The following SIGLECL1 variants were observed in gnomAD, a reference collection of about 807,000 sequenced individuals.
SIGLECL1 encodes SIGLEC family-like protein 1.
In SIGLECL1, 16 loss-of-function variants were observed where a neutral mutation model predicts 19.1. The ratio of observed to expected loss-of-function variants is 0.84; its 90% CI spans 0.57 to 1.27. The LOEUF (loss-of-function observed/expected upper bound fraction) is 1.27. Among genes scored for constraint, SIGLECL1 ranks in the 50% most tolerant of loss-of-function variants. The pLI is 0.00. For synonymous variants in SIGLECL1, 89 were observed against 90.4 expected (o/e 0.98, Z 0.09); for missense variants, 210 against 239.4 (o/e 0.88, Z 0.81).
At chr19:51,256,571 A>C (rs1825828752) in intron 1 of SIGLECL1, among the ~76,000 whole-genome samples, 1 of 152,240 alleles carries the variant, frequency 6.6e-6, no homozygotes, top group Non-Finnish European at 1.5e-5. Flanking sequence ...AGGCAGAATG[A>C]ATAAGTTCTG....
At chr19:51,259,715 T>C (rs1983074972) in intron 1 of SIGLECL1, among the ~76,000 whole-genome samples, 1 of 152,194 alleles carries the variant, frequency 6.6e-6, no homozygotes, top group Non-Finnish European at 1.5e-5. Flanking sequence ...AGGAAGGCCA[T>C]GCCCAAAAGA....
chr19:51,256,323 G>T (rs1157471932), intron 1 of SIGLECL1, among the ~76,000 whole-genome samples: 2 of 152,162 alleles, frequency 1.3e-5, no homozygotes, highest in Non-Finnish European at 2.9e-5. Context: ...TACACACACA[G>T]TGGAAGTTAT....
upstream of SIGLECL1, among the ~76,000 whole-genome samples, chr19:51,249,425 G>C (rs1982367282): frequency 1.3e-5 from 2 of 151,994 alleles, no homozygotes; most frequent in South Asian, 4.2e-4. Context: ...ATGGAGTAAG[G>C]CCCTGGAGGG....
upstream of SIGLECL1, among the ~76,000 whole-genome samples, chr19:51,250,705 G>A (rs7253831): frequency 0.13 from 20,389 of 152,156 alleles, 2,036 homozygotes; most frequent in East Asian, 0.32. Flanking sequence ...GGCTGGAAAG[G>A]CCTTGCTGGG....
At chr19:51,261,374 T>C (rs968537529) in intron 1 of SIGLECL1, among the ~76,000 whole-genome samples, 23 of 152,118 alleles carry the variant, frequency 1.5e-4, no homozygotes, top group African/African-American at 4.8e-4. Context: ...CTGCAAGCTC[T>C]GCCTCCCAGG....
intron 1 of SIGLECL1, among the ~76,000 whole-genome samples, chr19:51,258,389 C>T (rs548044432): frequency 6.6e-6 from 1 of 152,172 alleles, no homozygotes; most frequent in Non-Finnish European, 1.5e-5. Flanking sequence ...GGCTGTCCTG[C>T]GGTCACCTGT....
At chr19:51,249,685 A>G (rs1467332980), upstream of SIGLECL1, among the ~76,000 whole-genome samples, 1 of 152,198 alleles carries the variant, frequency 6.6e-6, no homozygotes, top group Non-Finnish European at 1.5e-5. Flanking sequence ...AAATACCATT[A>G]GCAAATGATA....
At chr19:51,258,880 G>A (rs1983000402) in intron 1 of SIGLECL1, among the ~76,000 whole-genome samples, 1 of 152,124 alleles carries the variant, frequency 6.6e-6, no homozygotes, top group South Asian at 2.1e-4. Flanking sequence ...CAGTGTTGAA[G>A]GTCCCCCATC....
chr19:51,250,084 CT>C (rs529491900), upstream of SIGLECL1, among the ~76,000 whole-genome samples: 424 of 140,848 alleles, frequency 3.0e-3, no homozygotes, highest in African/African-American at 2.9e-3. Context: ...TGGCTGGCTT[CT>C]TTTTTTTTTT....
At chr19:51,248,696 C>A (rs1319675), upstream of SIGLECL1, among the ~76,000 whole-genome samples, 19,905 of 152,084 alleles carry the variant, frequency 0.13, 1,952 homozygotes, top group East Asian at 0.32. Flanking sequence ...ACCTAGTGGG[C>A]ACACAAGGAA....
upstream of SIGLECL1, among the ~76,000 whole-genome samples, chr19:51,247,907 T>A (rs768577469): frequency 8.2e-4 from 125 of 152,266 alleles, no homozygotes; most frequent in Non-Finnish European, 2.5e-4. Context: ...ATGAAGACGG[T>A]CTTGAGAAAT....
intron 2 of SIGLECL1, among the ~76,000 whole-genome samples, chr19:51,265,159 C>T (rs1357289378): frequency 6.6e-6 from 1 of 152,114 alleles, no homozygotes; most frequent in Non-Finnish European, 1.5e-5. Context: ...TTACTTGCCA[C>T]CCCTCAAGAA....
intron 1 of SIGLECL1, among the ~76,000 whole-genome samples, chr19:51,252,222 C>G (rs138687763): frequency 6.6e-6 from 1 of 151,306 alleles, no homozygotes; most frequent in Non-Finnish European, 1.5e-5. Flanking sequence ...ACTTGAACCC[C>G]GTAGGCAGAG....
At position 51,254,702 on chromosome 19, in the gene SIGLECL1, GTGCTC is replaced by G. The variant is rs150203990; in HGVS notation, c.-191+3160_-191+3164del. ...TGGTGTTTTTAGGGAGGTGATGAAAGTGCTCTGGAATTAGGTAATGGTGATGTCTG... is the reference window on the plus strand; with the variant it reads ...TGGTGTTTTTAGGGAGGTGATGAAAGTGGAATTAGGTAATGGTGATGTCTG... On this transcript the variant is annotated intron_variant, in intron 1 of 5. Coordinates refer to ENST00000601727, the MANE Select transcript of SIGLECL1 (RefSeq NM_001385465.1). Among the ~76,000 whole-genome samples, 560 of 152,252 alleles carry G rather than the reference GTGCTC, an allele frequency of 3.7e-3. 2 individuals carry two copies. Among genetic ancestry groups the G allele is most frequent in the African/African-American group, 0.013 (533 of 41,544 alleles).
chr19:51,267,301 G>A, intron 4 of SIGLECL1, 72 bp from the exon 5 acceptor site: 1 of 1,553,300 alleles, frequency 6.4e-7, no homozygotes, highest in African/African-American at 1.4e-5. Flanking sequence ...CAGAAGTTCT[G>A]GTCAAGATAG....
chr19:51,257,224 T>C lies in SIGLECL1; in HGVS notation c.-191+5679T>C, dbSNP rs527297001. Among the ~76,000 whole-genome samples, 7 of 151,914 alleles carry C rather than the reference T, an allele frequency of 4.6e-5. No homozygotes were observed. The East Asian group carries it at 1.2e-3, about 25-fold the overall frequency. On this transcript the variant is annotated intron_variant, in intron 1 of 5. Coordinates refer to ENST00000601727, the MANE Select transcript of SIGLECL1 (RefSeq NM_001385465.1). The stretch of plus-strand genomic sequence containing the variant: ...GAGTTCAAGACCAGCCTGGGCAACA[T>C]AACAAGATCCCATCTCTACATAAAT...
In SIGLECL1 at chr19:51,265,350, G is replaced by T; in HGVS notation, c.23-18G>T. On this transcript the variant is annotated intron_variant, in intron 2 of 5. Transcript: ENST00000601727. ...AAGCCAGGATGCCTTGCTGACTCCT[G>T]ACCCTTCCTCCCCACAGTACCTGCT... 1 of 1,589,898 alleles carries T rather than the reference G, an allele frequency of 6.3e-7. No individual in the cohort carries two copies. Among genetic ancestry groups the T allele is most frequent in the Non-Finnish European group, 8.6e-7 (1 of 1,162,830 alleles).
At position 51,268,616 on chromosome 19, in the gene SIGLECL1, A is replaced by C. The variant is rs770618596; in HGVS notation, c.*19A>C. ...CAGCTAAGCCTGTGGAACATGCCTC[A>C]TACCTGGAGTCGCCATTATCCCTGG... On this transcript the variant is annotated 3_prime_UTR_variant, in exon 6 of 6. Transcript: ENST00000601727. The C allele has an allele frequency of 9.3e-6, 15 of 1,611,632 alleles. No homozygotes were observed. The highest frequency in any genetic ancestry group is 1.0e-5 in the Non-Finnish European group (12 of 1,179,276).
upstream of SIGLECL1, among the ~76,000 whole-genome samples, chr19:51,247,922 A>T (rs1982319648): frequency 6.6e-6 from 1 of 152,140 alleles, no homozygotes; most frequent in South Asian, 2.1e-4. Context: ...AGAAATCCTG[A>T]GGTTCTAATT....
Sources: gnomAD v4.1 joint callset for allele counts (sites outside exome capture counted in the v4.1 genomes callset) on GRCh38, gnomAD v4.1.1 for gene constraint, MANE v1.5 for transcripts, NCBI Gene and HGNC (gene_info 2026-07-23, HGNC 2026-07-21) for gene names.